Variants in HSPA9 observed in about 807,000 individuals in gnomAD.
The protein encoded by HSPA9 is heat shock protein family A (Hsp70) member 9, also known as stress-70 protein, mitochondrial.
HSPA9 carries 28 observed loss-of-function variants against 81.5 expected under a neutral mutation model. The ratio of observed to expected loss-of-function variants is 0.34; its 90% CI spans 0.25 to 0.47. The LOEUF (loss-of-function observed/expected upper bound fraction) is 0.47. Ranked by LOEUF, HSPA9 falls within the 20% of genes least tolerant of loss-of-function variation. The pLI, the probability that HSPA9 is intolerant of heterozygous loss-of-function variation, is 1.00. For missense variants in HSPA9, 678 were observed against 838.0 expected (o/e 0.81, Z 2.36); for synonymous variants, 293 against 290.4 (o/e 1.01, Z -0.09).
At position 138,567,456 on chromosome 5, in the gene HSPA9, CTT is replaced by C; in HGVS notation, c.713_714del (p.Lys238SerfsTer6). 1 of 1,607,980 alleles carries C rather than the reference CTT, an allele frequency of 6.2e-7. No individual in the cohort carries two copies. The highest frequency in any genetic ancestry group is 8.5e-7 in the Non-Finnish European group (1 of 1,174,452). On this transcript the variant is annotated frameshift_variant and splice_region_variant, in exon 7 of 17. Coordinates refer to ENST00000297185, the MANE Select transcript of HSPA9 (RefSeq NM_004134.7). LOFTEE classifies it high-confidence loss of function. ...GAGAAATTTACTGCACAAACTTACA[CTT>C]TGTCTTCTGATTTGTCTAGACCATA... is the stretch of plus-strand genomic sequence containing the variant. ...LAYGLDKSED[K>X]VIAVYDLGGG...
chr5:138,562,306 T>G (rs1472330628), intron 9 of HSPA9, among the ~76,000 whole-genome samples: 1 of 148,014 alleles, frequency 6.8e-6, no homozygotes, highest in African/African-American at 2.5e-5. Flanking sequence ...TCCCAGCACT[T>G]TGGGAGGGCG....
chr5:138,557,781 G>A (rs951890135), intron 13 of HSPA9, 88 bp downstream of exon 13: 7 of 843,960 alleles, frequency 8.3e-6, no homozygotes, highest in South Asian at 1.3e-5. Context: ...GATAACTGAG[G>A]GGCAAAGAGG....
Position 138,561,588 on chromosome 5 carries a change from T to C in HSPA9, c.1174A>G (p.Met392Val). The C allele has an allele frequency of 6.2e-7, 1 of 1,612,592 alleles. No homozygotes were observed. The highest frequency in any genetic ancestry group is 8.5e-7 in the Non-Finnish European group (1 of 1,179,582). Residue 392 changes from methionine to valine, a missense_variant, in exon 10 of 17, where the codon ATG (methionine) becomes GTG (valine). Coordinates refer to ENST00000297185, the MANE Select transcript of HSPA9 (RefSeq NM_004134.7). ...ATTCCACTGGTCCATACCTTGGGCA[T>C]CCTAGTCATGCCACCCACAAGAATC... ...EVILVGGMTRMPKVQQTVQDL... is the reference protein window; with the variant it reads ...EVILVGGMTRVPKVQQTVQDL...
At chr5:138,572,328 A>G (rs1750923797) in intron 3 of HSPA9, among the ~76,000 whole-genome samples, 2 of 152,160 alleles carry the variant, frequency 1.3e-5, no homozygotes, top group Non-Finnish European at 2.9e-5. Flanking sequence ...AACTTCCCAG[A>G]AAAGGATTTA....
At chr5:138,570,589 G>A (rs2127160803) in intron 4 of HSPA9, among the ~76,000 whole-genome samples, 1 of 152,244 alleles carries the variant, frequency 6.6e-6, no homozygotes. Context: ...GGGTTCAAGT[G>A]ATTCTCCCGT....
intron 16 of HSPA9, 119 bp downstream of exon 16, chr5:138,556,333 C>A: frequency 3.1e-6 from 4 of 1,296,654 alleles, no homozygotes; most frequent in Non-Finnish European, 4.4e-6. Context: ...AGACTATCTC[C>A]CAACTCTAAT....
intron 4 of HSPA9, 27 bp from the exon 5 acceptor site, chr5:138,569,076 G>C: frequency 6.2e-7 from 1 of 1,610,626 alleles, no homozygotes; most frequent in East Asian, 2.2e-5. Context: ...TTCTATTAGA[G>C]AAAACTACCT....
At chr5:138,558,439 A>G in intron 12 of HSPA9, 114 bp downstream of exon 12, 1 of 774,348 alleles carries the variant, frequency 1.3e-6, no homozygotes, top group South Asian at 1.4e-5. Context: ...TCTTCTCAAG[A>G]CTACTCAGTA....
chr5:138,575,089 G>C lies in HSPA9; in HGVS notation c.81+149C>G, dbSNP rs1402522017. ...CCTTGGGCAAAATCTTGACCCGGCA[G>C]CGCTAACTATGGAAGGCCCGTTACC... On this transcript the variant is annotated intron_variant, in intron 1 of 16. Transcript: ENST00000297185. 1.3e-5 allele frequency: 8 copies of C among 635,446 alleles called. 1 individual carries two copies. Among genetic ancestry groups the C allele is most frequent in the South Asian group, 1.2e-4 (6 of 51,654 alleles). The allele number at this position is 635,446 out of a possible 1,614,324, so 39.4% of individuals were successfully genotyped here.
chr5:138,570,990 C>T lies in HSPA9; in HGVS notation c.380G>A (p.Arg127Gln), dbSNP rs375941962. ...TTTCTGTACTTCAGGATCATCATATCGCCGGCCAATGAGACGCTTGGTAGC... is the reference window on the plus strand; with the variant it reads ...TTTCTGTACTTCAGGATCATCATATTGCCGGCCAATGAGACGCTTGGTAGC... ...FYATKRLIGR[R>Q]YDDPEVQKDI... The change falls in exon 4 of 17, where the codon CGA becomes CAA. Residue 127 changes from arginine (R) to glutamine (Q), a missense_variant. Coordinates refer to ENST00000297185, the MANE Select transcript of HSPA9 (RefSeq NM_004134.7). The T allele has an allele frequency of 9.9e-6, 16 of 1,614,014 alleles. No individual in the cohort carries two copies. Among genetic ancestry groups the T allele is most frequent in the African/African-American group, 2.7e-5 (2 of 74,896 alleles).
intron 11 of HSPA9, 191 bp from the exon 12 acceptor site, chr5:138,558,848 A>G: frequency 1.8e-6 from 1 of 569,198 alleles, no homozygotes; most frequent in Non-Finnish European, 3.2e-6. Flanking sequence ...TACAATAGCA[A>G]CTGTTTCAGC....
At chr5:138,563,836 T>C (rs926769929) in intron 9 of HSPA9, among the ~76,000 whole-genome samples, 2 of 152,254 alleles carry the variant, frequency 1.3e-5, no homozygotes, top group African/African-American at 4.8e-5. Context: ...AAATTTGTGT[T>C]GGGCCACATT....
At chr5:138,575,194 G>A in intron 1 of HSPA9, 44 bp downstream of exon 1, 2 of 1,395,030 alleles carry the variant, frequency 1.4e-6, no homozygotes, top group South Asian at 1.2e-5. Context: ...CGAGGCCCAA[G>A]GCCCGAGGCC....
chr5:138,574,057 A>G lies in HSPA9; in HGVS notation c.140+11T>C, dbSNP rs1172357188. 6.2e-7 allele frequency: 1 copy of G among 1,603,976 alleles called. No individual in the cohort carries two copies. The highest frequency in any genetic ancestry group is 8.5e-7 in the Non-Finnish European group (1 of 1,170,760). On this transcript the variant is annotated intron_variant, in intron 2 of 16. Transcript: ENST00000297185. Reference sequence around the variant, plus strand: ...TGTATTCCCTCTCAAAGGAAATGATATTATACTTACGCATAATCCCGCCTT... The same window carrying G: ...TGTATTCCCTCTCAAAGGAAATGATGTTATACTTACGCATAATCCCGCCTT...
intron 13 of HSPA9, 54 bp downstream of exon 13, chr5:138,557,815 T>C: frequency 1.9e-6 from 2 of 1,065,658 alleles, no homozygotes; most frequent in Non-Finnish European, 2.9e-6. Flanking sequence ...AGAGGGTCTA[T>C]TCCCAAGACC....
chr5:138,562,994 TGTAACTGAGAGTGA>T (rs1028931148), intron 9 of HSPA9, among the ~76,000 whole-genome samples: 4 of 152,346 alleles, frequency 2.6e-5, no homozygotes, highest in African/African-American at 9.6e-5. Context: ...TCTTACAGTG[TGTAACTGAGAGTGA>T]GTCCTTAACC....
chr5:138,561,826 G>A (rs1334003899), intron 9 of HSPA9, 37 bp from the exon 10 acceptor site: 1 of 1,481,792 alleles, frequency 6.7e-7, no homozygotes, highest in Non-Finnish European at 9.4e-7. Context: ...TCAGCGAGCA[G>A]GCCAAATGAC....
At position 138,555,623 on chromosome 5, in the gene HSPA9, C is replaced by T; in HGVS notation, c.*414G>A. 1 of 289,934 alleles carries T rather than the reference C, an allele frequency of 3.4e-6. No individual in the cohort carries two copies. Among genetic ancestry groups the T allele is most frequent in the South Asian group, 3.3e-5 (1 of 29,890 alleles). 18.0% of individuals were successfully genotyped at this position (289,934 alleles called of 1,614,324 possible). On this transcript the variant is annotated 3_prime_UTR_variant, in exon 17 of 17. Coordinates refer to ENST00000297185, the MANE Select transcript of HSPA9 (RefSeq NM_004134.7). ...GACCCCATGTACATACAGGCCAGTACAGCAGTACTAGGCTAACTAGAAGGA... is the reference window on the plus strand; with the variant it reads ...GACCCCATGTACATACAGGCCAGTATAGCAGTACTAGGCTAACTAGAAGGA...
intron 5 of HSPA9, among the ~76,000 whole-genome samples, chr5:138,568,364 G>A (rs879339163): frequency 6.6e-6 from 1 of 151,682 alleles, no homozygotes; most frequent in Non-Finnish European, 1.5e-5. Context: ...GGCTAGGCAT[G>A]ATGGCGCATG....
Sources: allele counts gnomAD v4.1 joint callset (sites outside exome capture counted in the v4.1 genomes callset), GRCh38; gene constraint gnomAD v4.1.1; transcripts MANE v1.5; gene names NCBI Gene and HGNC (gene_info 2026-07-23, HGNC 2026-07-21).